Variants in EVI5 observed in about 807,000 individuals in gnomAD.
EVI5 encodes ecotropic viral integration site 5 protein homolog.
EVI5 carries 73 observed loss-of-function variants against 112.0 expected under a neutral mutation model. The observed-to-expected ratio is 0.65, with a 90% CI of 0.54 to 0.79. The LOEUF (loss-of-function observed/expected upper bound fraction) is 0.79, where lower values mean the gene tolerates loss of function less well. Ranked by LOEUF, EVI5 falls within the 30% of genes least tolerant of loss-of-function variation. The pLI is 0.00. For missense variants in EVI5, 900 were observed against 968.8 expected (o/e 0.93, Z 0.94); for synonymous variants, 305 against 319.9 (o/e 0.95, Z 0.50).
In EVI5 at chr1:92,536,208, T is replaced by A. The variant is rs1450017583; in HGVS notation, c.2167-22238A>T. On this transcript the variant is annotated intron_variant, in intron 19 of 19. Transcript: ENST00000684568. ...AAATCTACTTTAATGGAATCTTAACTTTGCATTATCAATAAAGAGATCGGA... is the reference window on the plus strand; with the variant it reads ...AAATCTACTTTAATGGAATCTTAACATTGCATTATCAATAAAGAGATCGGA... Among the ~76,000 whole-genome samples the A allele has an allele frequency of 2.0e-5, 3 of 152,214 alleles. No individual in the cohort carries two copies. The East Asian group carries it at 5.8e-4, about 29-fold the overall frequency.
At chr1:92,629,074 C>G (rs1400645695) in intron 14 of EVI5, among the ~76,000 whole-genome samples, 4 of 152,176 alleles carry the variant, frequency 2.6e-5, no homozygotes, top group Non-Finnish European at 4.4e-5. Flanking sequence ...CAAAATCTTT[C>G]TAATTGTAAG....
At chr1:92,654,154 G>C (rs1662628723) in intron 13 of EVI5, among the ~76,000 whole-genome samples, 1 of 152,074 alleles carries the variant, frequency 6.6e-6, no homozygotes, top group Admixed American at 6.5e-5. Context: ...CCACAGCCCA[G>C]CCCATTGCCT....
At chr1:92,788,811 C>A (rs551657871), upstream of EVI5, among the ~76,000 whole-genome samples, 7 of 151,538 alleles carry the variant, frequency 4.6e-5, no homozygotes, top group South Asian at 2.1e-4. Context: ...ACAACAACAA[C>A]AAAAAAAACC....
intron 1 of EVI5, among the ~76,000 whole-genome samples, chr1:92,783,369 T>G (rs1435938831): frequency 3.8e-5 from 1 of 26,212 alleles, no homozygotes; most frequent in African/African-American, 1.4e-4. Context: ...CTACTAAAAA[T>G]ACAAAAAAAA....
At chr1:92,628,442 G>C (rs545881636) in intron 14 of EVI5, among the ~76,000 whole-genome samples, 19 of 152,284 alleles carry the variant, frequency 1.2e-4, no homozygotes, top group African/African-American at 4.6e-4. Flanking sequence ...TTATCTTCTA[G>C]AATTTTTATA....
chr1:92,771,933 C>A (rs1490644541), intron 1 of EVI5, among the ~76,000 whole-genome samples: 1 of 152,040 alleles, frequency 6.6e-6, no homozygotes, highest in Non-Finnish European at 1.5e-5. Context: ...CAGCTCACTG[C>A]AACCTCCGCC....
At chr1:92,693,187 A>C (rs1669773372) in intron 9 of EVI5, among the ~76,000 whole-genome samples, 1 of 152,062 alleles carries the variant, frequency 6.6e-6, no homozygotes, top group Non-Finnish European at 1.5e-5. Context: ...CTCTGTCTCT[A>C]CAAAACAAAT....
intron 2 of EVI5, among the ~76,000 whole-genome samples, chr1:92,724,425 G>T (rs193014449): frequency 6.6e-6 from 1 of 152,106 alleles, no homozygotes; most frequent in Admixed American, 6.5e-5. Context: ...CATTCTTGCC[G>T]TGATTAAATA....
At position 92,550,873 on chromosome 1, in the gene EVI5, C is replaced by A. The variant is rs1359332897; in HGVS notation, c.2166+12769G>T. On this transcript the variant is annotated intron_variant, in intron 19 of 19. Transcript: ENST00000684568. ...AAAATATACTCTTTGAAGTTCTCAACAGATTAAGAAAATCAATATTCAGGA... is the reference window on the plus strand; with the variant it reads ...AAAATATACTCTTTGAAGTTCTCAAAAGATTAAGAAAATCAATATTCAGGA... 4.2e-5 allele frequency among the ~76,000 whole-genome samples: 5 copies of A among 119,662 alleles called. No individual in the cohort carries two copies. In the Admixed American group the frequency reaches 4.7e-4, roughly 11 times the overall value. The allele number at this position is 119,662 out of a possible 152,430, so 78.5% of individuals were successfully genotyped here.
At chr1:92,519,238 C>T (rs1660457636) in intron 19 of EVI5, among the ~76,000 whole-genome samples, 2 of 152,058 alleles carry the variant, frequency 1.3e-5, no homozygotes, top group Non-Finnish European at 2.9e-5. Flanking sequence ...AAAAGTATGG[C>T]AAAGGGAATC....
chr1:92,555,851 A>T (rs1181065577), intron 19 of EVI5, among the ~76,000 whole-genome samples: 1 of 34,920 alleles, frequency 2.9e-5, no homozygotes, highest in Non-Finnish European at 9.2e-5. Context: ...CTCGTCTCAA[A>T]AAAAAAAAAA....
intron 17 of EVI5, among the ~76,000 whole-genome samples, chr1:92,606,229 T>C (rs900992090): frequency 6.6e-6 from 1 of 152,192 alleles, no homozygotes; most frequent in Middle Eastern, 3.2e-3. Context: ...TCAAAGAAAA[T>C]TATTATTTTC....
intron 2 of EVI5, among the ~76,000 whole-genome samples, chr1:92,729,558 T>G (rs1336195382): frequency 2.7e-5 from 4 of 145,704 alleles, no homozygotes; most frequent in African/African-American, 9.8e-5. Context: ...CAGGGATTGG[T>G]TCCCTGATAC....
chr1:92,745,045 C>G (rs1679053284), intron 1 of EVI5, among the ~76,000 whole-genome samples: 1 of 151,942 alleles, frequency 6.6e-6, no homozygotes, highest in African/African-American at 2.4e-5. Flanking sequence ...ATCCTCCCAC[C>G]TCAGCCTCCT....
At chr1:92,739,046 C>T (rs1045288323) in intron 1 of EVI5, among the ~76,000 whole-genome samples, 3 of 152,002 alleles carry the variant, frequency 2.0e-5, no homozygotes, top group Admixed American at 2.0e-4. Context: ...CCAACGCAGG[C>T]AGATCACCCT....
chr1:92,607,075 AGTAT>A (rs966289662), intron 17 of EVI5, among the ~76,000 whole-genome samples: 17 of 152,236 alleles, frequency 1.1e-4, no homozygotes, highest in Non-Finnish European at 2.4e-4. Flanking sequence ...AAAAAAGTAA[AGTAT>A]ATAACTGATT....
At chr1:92,649,780 C>T (rs1163842162) in intron 13 of EVI5, among the ~76,000 whole-genome samples, 3 of 152,206 alleles carry the variant, frequency 2.0e-5, no homozygotes, top group African/African-American at 7.2e-5. Context: ...CCCTTACACT[C>T]GAGCCTGGCG....
chr1:92,629,823 C>A (rs1483143934), intron 14 of EVI5, among the ~76,000 whole-genome samples: 1 of 129,754 alleles, frequency 7.7e-6, no homozygotes, highest in African/African-American at 2.8e-5. Flanking sequence ...ACCCTCCCCC[C>A]ACCCCAAAAC....
In EVI5 at chr1:92,514,486, C is replaced by A. The variant is rs1309776002; in HGVS notation, c.2167-516G>T. 3.3e-5 allele frequency among the ~76,000 whole-genome samples: 5 copies of A among 151,992 alleles called. No individual in the cohort carries two copies. The South Asian group carries it at 1.0e-3, about 31-fold the overall frequency. On this transcript the variant is annotated intron_variant, in intron 19 of 19. Transcript: ENST00000684568. Reference sequence around the variant, plus strand: ...CTTACTTTAATTGAATAATAACAACCGTCCTATGTGATAGATTTTAGTATT... The same window carrying A: ...CTTACTTTAATTGAATAATAACAACAGTCCTATGTGATAGATTTTAGTATT...
Sources: allele counts gnomAD v4.1 joint callset (sites outside exome capture counted in the v4.1 genomes callset), GRCh38; gene constraint gnomAD v4.1.1; transcripts MANE v1.5; gene names NCBI Gene and HGNC (gene_info 2026-07-23, HGNC 2026-07-21).